Variants in PRKD1 observed in about 807,000 individuals in gnomAD.
PRKD1 encodes serine/threonine-protein kinase D1.
Under a neutral mutation model 95.9 loss-of-function variants are expected in PRKD1, and 63 were observed. The observed-to-expected ratio is 0.66, with a 90% CI of 0.54 to 0.81. The LOEUF (loss-of-function observed/expected upper bound fraction) is 0.81. Among genes scored for constraint, PRKD1 ranks in the 30% least tolerant of loss-of-function variants. The pLI is 0.00. For missense variants in PRKD1, 1,048 were observed against 1,165.3 expected, an observed-to-expected ratio of 0.90 and a Z score of 1.47; for synonymous variants, 425 against 423.1, an observed-to-expected ratio of 1.00 and a Z score of -0.05.
chr14:29,899,253 T>C (rs1894236892), intron 1 of PRKD1, among the ~76,000 whole-genome samples: 1 of 152,198 alleles, frequency 6.6e-6, no homozygotes, highest in South Asian at 2.1e-4. Context: ...TCATTCATGA[T>C]TTATTGTATA....
At chr14:29,671,139 T>A (rs139309150) in intron 2 of PRKD1, among the ~76,000 whole-genome samples, 93 of 152,156 alleles carry the variant, frequency 6.1e-4, no homozygotes, top group African/African-American at 2.1e-3. Flanking sequence ...AGTTATTTCC[T>A]AAGTTTGTGG....
At chr14:29,656,507 A>G (rs1881848909) in intron 4 of PRKD1, 1 of 1,535,648 alleles carries the variant, frequency 6.5e-7, no homozygotes, top group East Asian at 2.4e-5. Flanking sequence ...AGACTGAAAC[A>G]TGAAGTTGTA....
chr14:29,896,359 TG>T (rs1162812627), intron 1 of PRKD1, among the ~76,000 whole-genome samples: 2 of 134,574 alleles, frequency 1.5e-5, no homozygotes, highest in Non-Finnish European at 3.2e-5. Flanking sequence ...TACAGGCATG[TG>T]TGTGTACACA....
chr14:29,838,544 G>A (rs1891699486), intron 1 of PRKD1, among the ~76,000 whole-genome samples: 1 of 152,016 alleles, frequency 6.6e-6, no homozygotes, highest in African/African-American at 2.4e-5. Flanking sequence ...TAATTGCACA[G>A]TGATCAAAAA....
At chr14:29,676,562 C>T (rs1883235425) in intron 2 of PRKD1, among the ~76,000 whole-genome samples, 1 of 152,108 alleles carries the variant, frequency 6.6e-6, no homozygotes, top group Non-Finnish European at 1.5e-5. Context: ...ACCATGTTGA[C>T]CAGGATGGTC....
rs1233280080 is a variant in PRKD1, at chr14:29,927,714, G to T, written c.-202C>A. 4.6e-6 allele frequency: 1 copy of T among 218,496 alleles called. No individual in the cohort carries two copies. The highest frequency in any genetic ancestry group is 5.9e-5 in the Admixed American group (1 of 16,838). The allele number at this position is 218,496 out of a possible 1,614,324, so 13.5% of individuals were successfully genotyped here. ...GAGGGGACTAAGGGGAGGAGATGGG[G>T]AGGAGGGAAAATGGCCGAGGCGGGA... is the stretch of plus-strand genomic sequence containing the variant. On this transcript the variant is annotated 5_prime_UTR_variant, in exon 1 of 18. Coordinates refer to ENST00000331968, the MANE Select transcript of PRKD1 (RefSeq NM_002742.3).
chr14:29,826,478 AT>A (rs1371273527), intron 1 of PRKD1, among the ~76,000 whole-genome samples: 4 of 124,256 alleles, frequency 3.2e-5, no homozygotes, highest in African/African-American at 1.3e-4. Flanking sequence ...ATACATATAT[AT>A]GATGGAATAT....
chr14:29,721,541 T>C (rs983159543), intron 2 of PRKD1, among the ~76,000 whole-genome samples: 4 of 152,194 alleles, frequency 2.6e-5, no homozygotes, highest in African/African-American at 9.6e-5. Context: ...CATGTAAATG[T>C]AGTCCTGTTA....
At position 29,725,580 on chromosome 14, in the gene PRKD1, G is replaced by A. The variant is rs1464365274; in HGVS notation, c.359C>T (p.Ala120Val). The part of the protein sequence containing the change: ...SENILQLVKA[A>V]SDIQEGDLIE... ...AAGATCGCCTTCCTGGATATCACTG[G>A]CCGCTTTCACCAGCTGAAGGATGTT... The change falls in exon 2 of 18, where the codon GCC becomes GTC. Residue 120 changes from alanine to valine, a missense_variant. This residue lies in a region of PRKD1 where 275 missense variants were observed against 248.6 expected (regional missense o/e 1.11). Transcript: ENST00000331968. The A allele has an allele frequency of 1.2e-6, 2 of 1,613,622 alleles. No homozygotes were observed. The highest frequency in any genetic ancestry group is 4.5e-5 in the East Asian group (2 of 44,876).
chr14:29,721,943 AGC>A (rs1885919093), intron 2 of PRKD1, among the ~76,000 whole-genome samples: 1 of 152,176 alleles, frequency 6.6e-6, no homozygotes, highest in African/African-American at 2.4e-5. Context: ...TCAGCAAATT[AGC>A]CAGAAGCAGC....
intron 1 of PRKD1, among the ~76,000 whole-genome samples, chr14:29,820,041 T>C (rs1460466792): frequency 6.6e-6 from 1 of 152,148 alleles, no homozygotes; most frequent in Non-Finnish European, 1.5e-5. Flanking sequence ...AATATGAAAG[T>C]CTCTCCAAAA....
chr14:29,624,252 T>A lies in PRKD1; in HGVS notation c.1805A>T (p.His602Leu). ...AGCTACATCTCTTCCTGTTTTACGA[T>A]GTTTTCCTTTAAAATGAAAAAGGGA... ...GQFGIVYGGK[H>L]RKTGRDVAIK... is the part of the protein sequence containing the mutation. The change falls in exon 13 of 18, where the codon CAT becomes CTT. Residue 602 changes from histidine (H) to leucine (L), a missense_variant. Physicochemically the swap from His to Leu is moderately conservative, Grantham distance 99 (BLOSUM62 -3). Coordinates refer to ENST00000331968, the MANE Select transcript of PRKD1 (RefSeq NM_002742.3). The A allele has an allele frequency of 6.3e-7, 1 of 1,596,896 alleles. No individual in the cohort carries two copies. The highest frequency in any genetic ancestry group is 8.5e-7 in the Non-Finnish European group (1 of 1,171,380).
At chr14:29,608,499 G>C (rs1878181194) in intron 13 of PRKD1, among the ~76,000 whole-genome samples, 1 of 152,046 alleles carries the variant, frequency 6.6e-6, no homozygotes, top group Admixed American at 6.6e-5. Flanking sequence ...CTTTTTCTCA[G>C]AGAATTAAAA....
At chr14:29,606,949 G>A (rs1256577335) in intron 13 of PRKD1, among the ~76,000 whole-genome samples, 2 of 152,154 alleles carry the variant, frequency 1.3e-5, no homozygotes, top group African/African-American at 4.8e-5. Context: ...CCTCTTCCCA[G>A]CTTCTGCCTT....
chr14:29,843,135 T>A (rs1328606815), intron 1 of PRKD1, among the ~76,000 whole-genome samples: 1 of 152,110 alleles, frequency 6.6e-6, no homozygotes, highest in East Asian at 1.9e-4. Context: ...GCAATTAAGG[T>A]AAATGGGTAA....
rs45439997 is a variant in PRKD1 at position 29,864,323 on chromosome 14, G to T, written c.264+62926C>A. 2.9e-3 allele frequency among the ~76,000 whole-genome samples: 446 copies of T among 151,946 alleles called. 4 individuals carry two copies. The highest frequency in any genetic ancestry group is 4.8e-3 in the Non-Finnish European group (324 of 67,936). On this transcript the variant is annotated intron_variant, in intron 1 of 17. Transcript: ENST00000331968. ...GAGCCTGCACTTAAAAGTCTTAAAG[G>T]TTTCCTGAATCATGGAATCTCAACT...
chr14:29,847,493 T>C (rs1169850726), intron 1 of PRKD1, among the ~76,000 whole-genome samples: 1 of 152,126 alleles, frequency 6.6e-6, no homozygotes, highest in Non-Finnish European at 1.5e-5. Flanking sequence ...TCTAATACAC[T>C]GTGATCCACT....
At chr14:29,621,995 T>C (rs185716706) in intron 13 of PRKD1, among the ~76,000 whole-genome samples, 95 of 152,304 alleles carry the variant, frequency 6.2e-4, no homozygotes, top group Admixed American at 4.0e-3. Context: ...ATCTGAGTTG[T>C]CTGCATCTAA....
chr14:29,740,278 A>G (rs1477617772), intron 1 of PRKD1, among the ~76,000 whole-genome samples: 1 of 152,232 alleles, frequency 6.6e-6, no homozygotes, highest in Non-Finnish European at 1.5e-5. Context: ...TAAAGGCTAA[A>G]TGTTTATTAC....
Sources: allele counts gnomAD v4.1 joint callset (sites outside exome capture counted in the v4.1 genomes callset), GRCh38; gene constraint gnomAD v4.1.1; regional missense constraint gnomAD v4.1.1; transcripts MANE v1.5; gene names NCBI Gene and HGNC (gene_info 2026-07-23, HGNC 2026-07-21).